The following PCF11 variants were observed in gnomAD, a reference collection of about 807,000 sequenced individuals.
PCF11 encodes pre-mRNA cleavage complex 2 protein Pcf11.
In PCF11, 19 loss-of-function variants were observed where a neutral mutation model predicts 166.1. The observed-to-expected ratio is 0.11, with a 90% CI of 0.08 to 0.17. PCF11 has a LOEUF of 0.17. Among genes scored for constraint, PCF11 ranks in the 10% least tolerant of loss-of-function variants. The probability of loss-of-function intolerance (pLI) is 1.00; values close to 1 mark genes in which losing one functional copy is unlikely to be tolerated. For missense variants in PCF11, 1,565 were observed against 1,855.5 expected (o/e 0.84, Z 2.88); for synonymous variants, 663 against 644.1 (o/e 1.03, Z -0.44).
chr11:83,163,330 AGTT>A (rs773730821), intron 2 of PCF11, among the ~76,000 whole-genome samples: 10 of 152,126 alleles, frequency 6.6e-5, no homozygotes, highest in Non-Finnish European at 1.2e-4. Flanking sequence ...CAATTTTTCT[AGTT>A]GTTTTATATT....
chr11:83,185,407 T>C (rs1322908692), exon 16 of PCF11: 2 of 152,078 alleles, frequency 1.3e-5, no homozygotes, highest in Non-Finnish European at 2.9e-5. Flanking sequence ...AAAGCCAGAT[T>C]TTGAAAAAAT....
chr11:83,168,538 G>A (rs776798790), exon 8 of PCF11: 12 of 1,613,844 alleles, frequency 7.4e-6, no homozygotes, highest in African/African-American at 5.3e-5. Flanking sequence ...AAGATTCGCC[G>A]GCCTGGATAC....
chr11:83,169,875 T>C, exon 8 of PCF11: 1 of 1,613,418 alleles, frequency 6.2e-7, no homozygotes, highest in Non-Finnish European at 8.5e-7. Flanking sequence ...GTTTCTCTAA[T>C]CCACTTAACA....
Position 83,167,006 on chromosome 11 carries a change from A to G in PCF11, c.1818-119A>G, listed in dbSNP as rs1358128955. 1.3e-6 allele frequency: 1 copy of G among 775,356 alleles called. No homozygotes were observed. The highest frequency in any genetic ancestry group is 1.7e-5 in the African/African-American group (1 of 57,498). The allele number at this position is 775,356 out of a possible 1,614,324, so 48.0% of individuals were successfully genotyped here. On this transcript the variant is annotated intron_variant, in intron 5 of 15. Transcript: ENST00000298281. The surrounding 1 kb of genome is among the most constrained non-coding windows in gnomAD (Gnocchi z 4.2). ...TGTGCTCTTAATCATTTATTTAATT[A>G]CTTTTTGTGGTTACATATGCCCATT...
At position 83,167,013 on chromosome 11, in the gene PCF11, G is replaced by A. The variant is rs1860488321; in HGVS notation, c.1818-112G>A. 5 of 806,396 alleles carry A rather than the reference G, an allele frequency of 6.2e-6. No homozygotes were observed. Among genetic ancestry groups the A allele is most frequent in the South Asian group, 1.9e-5 (1 of 51,632 alleles). The allele number at this position is 806,396 out of a possible 1,614,324, so 50.0% of individuals were successfully genotyped here. A position where few individuals can be genotyped will look rare whatever the true frequency, so the allele number is the denominator to read the frequency against. On this transcript the variant is annotated intron_variant, in intron 5 of 15. Coordinates refer to ENST00000298281, the Ensembl canonical transcript of PCF11. The surrounding 1 kb of genome is among the most constrained non-coding windows in gnomAD (Gnocchi z 4.2). ...TTAATCATTTATTTAATTACTTTTT[G>A]TGGTTACATATGCCCATTTTAACCA...
exon 5 of PCF11, chr11:83,165,741 G>C: frequency 6.2e-7 from 1 of 1,613,664 alleles, no homozygotes; most frequent in Non-Finnish European, 8.5e-7. Context: ...AAGCCGTCCA[G>C]GACCATCCTT....
At chr11:83,168,884 G>C (rs924450209) in exon 8 of PCF11, 7 of 1,613,472 alleles carry the variant, frequency 4.3e-6, no homozygotes, top group Non-Finnish European at 5.9e-6. Flanking sequence ...CGGTTTGAAG[G>C]TTCCCCTGGT....
Position 83,177,840 on chromosome 11 carries a change from TAAGATA to T in PCF11, c.3983+26_3983+31del, listed in dbSNP as rs1197644654. ...AAACAGTATGTAATCTAATTTTCTT[TAAGATA>T]AAGAGGCAGTGACTTTAATAACACT... On this transcript the variant is annotated intron_variant, in intron 11 of 15. Coordinates refer to ENST00000298281, the Ensembl canonical transcript of PCF11. 2.4e-6 allele frequency: 3 copies of T among 1,242,032 alleles called. No individual in the cohort carries two copies. The Admixed American group carries it at 6.3e-5, about 26-fold the overall frequency. The allele number at this position is 1,242,032 out of a possible 1,614,324, so 76.9% of individuals were successfully genotyped here.
chr11:83,170,704 T>C (rs1174201738), intron 8 of PCF11, among the ~76,000 whole-genome samples: 5 of 152,238 alleles, frequency 3.3e-5, no homozygotes. Flanking sequence ...ATGACTACTT[T>C]TGCTTGCGTG....
At position 83,168,602 on chromosome 11, in the gene PCF11, G is replaced by A. The variant is rs758786711; in HGVS notation, c.2267G>A (p.Ser756Asn). The change falls in exon 8 of 16, where the codon AGT becomes AAT. Residue 756 changes from serine to asparagine, a missense_variant. Physicochemically the swap from Ser to Asn is conservative, Grantham distance 46. Coordinates refer to ENST00000298281, the Ensembl canonical transcript of PCF11. ...GACAGACCGTTATTTGATGGACCTAGTAGGCCATCAGTAGCAAGAGATGGC... is the reference window on the plus strand; with the variant it reads ...GACAGACCGTTATTTGATGGACCTAATAGGCCATCAGTAGCAAGAGATGGC... 12 of 1,613,838 alleles carry A rather than the reference G, an allele frequency of 7.4e-6. 1 individual carries two copies. The South Asian group carries it at 1.3e-4, about 18-fold the overall frequency.
chr11:83,167,395 C>A lies in PCF11; in HGVS notation c.2002-20C>A. On this transcript the variant is annotated intron_variant, in intron 6 of 15. Transcript: ENST00000298281. This position sits in a 1 kb window ranked among gnomAD's most constrained non-coding sequence, Gnocchi z 4.2. The stretch of plus-strand genomic sequence containing the variant: ...TTTTATATTTAAAATATTTTATTTC[C>A]TTTTATCACCCCTATACAGACGAGT... 1 of 1,539,046 alleles carries A rather than the reference C, an allele frequency of 6.5e-7. No homozygotes were observed. The highest frequency in any genetic ancestry group is 8.7e-7 in the Non-Finnish European group (1 of 1,147,626).
At chr11:83,183,868 C>T (rs772798423) in intron 15 of PCF11, among the ~76,000 whole-genome samples, 3 of 151,406 alleles carry the variant, frequency 2.0e-5, no homozygotes, top group East Asian at 2.0e-4. Flanking sequence ...TTCAAATGGT[C>T]GGCTGGGCGT....
chr11:83,178,848 T>C (rs1860981341), intron 11 of PCF11, among the ~76,000 whole-genome samples: 1 of 152,046 alleles, frequency 6.6e-6, no homozygotes, highest in South Asian at 2.1e-4. Context: ...ATTTTATAAG[T>C]AATGTTAATT....
intron 9 of PCF11, among the ~76,000 whole-genome samples, chr11:83,172,597 A>G (rs1457546650): frequency 2.0e-5 from 3 of 151,852 alleles, no homozygotes; most frequent in Non-Finnish European, 4.4e-5. Flanking sequence ...TAACTTTTGT[A>G]TTTTTACGGG....
At chr11:83,157,204 T>G in exon 1 of PCF11, 1 of 584,760 alleles carries the variant, frequency 1.7e-6, no homozygotes, top group Non-Finnish European at 3.0e-6. Context: ...TTTGTGTCTG[T>G]GGAGAAAGAA....
exon 16 of PCF11, chr11:83,184,959 A>AT (rs1316691904): frequency 9.0e-6 from 10 of 1,106,060 alleles, no homozygotes; most frequent in African/African-American, 3.2e-5. Context: ...AAGGTGAAGA[A>AT]TTTTTTTATG....
chr11:83,182,577 A>T, intron 14 of PCF11, 86 bp downstream of exon 14: 1 of 692,904 alleles, frequency 1.4e-6, no homozygotes, highest in Non-Finnish European at 2.5e-6. Flanking sequence ...GGCGGTTCAT[A>T]ATAGTTTTTG....
At chr11:83,157,243 G>C in exon 1 of PCF11, 1 of 596,732 alleles carries the variant, frequency 1.7e-6, no homozygotes, top group Non-Finnish European at 3.0e-6. Flanking sequence ...AGTGGACGGA[G>C]ATCACCCGCG....
chr11:83,157,288 T>A, exon 1 of PCF11: 3 of 662,472 alleles, frequency 4.5e-6, no homozygotes, highest in Non-Finnish European at 7.7e-6. Context: ...GTTCCCCCTG[T>A]GTCGTCCCCC....
Sources: allele counts gnomAD v4.1 joint callset (sites outside exome capture counted in the v4.1 genomes callset), GRCh38; gene constraint gnomAD v4.1.1; non-coding constraint Gnocchi (gnomAD v3.1); transcripts MANE v1.5; gene names NCBI Gene and HGNC (gene_info 2026-07-23, HGNC 2026-07-21).